Variants in GBP7 observed in about 807,000 individuals in gnomAD.
The protein encoded by GBP7 is guanylate binding protein 7.
Under a neutral mutation model 61.3 loss-of-function variants are expected in GBP7, and 43 were observed. The ratio of observed to expected loss-of-function variants is 0.70; its 90% CI spans 0.55 to 0.91. The LOEUF is 0.91. Ranked by LOEUF, GBP7 falls within the 40% of genes least tolerant of loss-of-function variation. The probability of loss-of-function intolerance (pLI) is 0.00; values close to 1 mark genes in which losing one functional copy is unlikely to be tolerated. For missense variants in GBP7, 717 were observed against 740.5 expected (o/e 0.97, Z 0.37); for synonymous variants, 267 against 271.0 (o/e 0.99, Z 0.14).
intron 8 of GBP7, among the ~76,000 whole-genome samples, chr1:89,143,994 C>A (rs1570345053): frequency 6.6e-6 from 1 of 152,112 alleles, no homozygotes; most frequent in Non-Finnish European, 1.5e-5. Flanking sequence ...GAATGTAGAA[C>A]CCCAAAGGTC....
intron 8 of GBP7, 67 bp from the exon 9 acceptor site, chr1:89,141,715 A>G (rs1681956433): frequency 4.1e-6 from 5 of 1,230,600 alleles, no homozygotes; most frequent in Non-Finnish European, 6.0e-6. Flanking sequence ...TGAGGAAATT[A>G]TTGTTCAACA....
chr1:89,156,741 C>A (rs185994274), intron 3 of GBP7, among the ~76,000 whole-genome samples: 175 of 152,286 alleles, frequency 1.1e-3, no homozygotes, highest in African/African-American at 3.7e-3. Context: ...GACTTAGACT[C>A]CCACACAATA....
Position 89,140,006 on chromosome 1 carries a change from G to A in GBP7, c.1468+1540C>T, listed in dbSNP as rs189268496. Among the ~76,000 whole-genome samples, 1,338 of 152,016 alleles carry A rather than the reference G, an allele frequency of 8.8e-3. 24 individuals carry two copies. Among genetic ancestry groups the A allele is most frequent in the African/African-American group, 0.031 (1,279 of 41,464 alleles). Reference sequence around the variant, plus strand: ...ACACATGGACACATATGTTTATTGCGGCACTATTCACAATAGCAAAGACTT... The same window carrying A: ...ACACATGGACACATATGTTTATTGCAGCACTATTCACAATAGCAAAGACTT... On this transcript the variant is annotated intron_variant, in intron 9 of 10. Transcript: ENST00000294671.
intron 9 of GBP7, among the ~76,000 whole-genome samples, chr1:89,137,603 T>C (rs1681836368): frequency 6.6e-6 from 1 of 151,726 alleles, no homozygotes; most frequent in Admixed American, 6.6e-5. Context: ...AAATTCAATA[T>C]TTCATGTTAA....
Position 89,152,712 on chromosome 1 carries a change from G to A in GBP7, c.384C>T (p.Tyr128=), listed in dbSNP as rs779092711. 1.2e-6 allele frequency: 2 copies of A among 1,611,042 alleles called. No individual in the cohort carries two copies. The highest frequency in any genetic ancestry group is 8.5e-7 in the Non-Finnish European group (1 of 1,179,140). Residue 128 remains tyrosine (Y), a synonymous_variant, in exon 4 of 11, where the codon TAC becomes TAT. Coordinates refer to ENST00000294671, the MANE Select transcript of GBP7 (RefSeq NM_207398.3). ...LAVLLSSSFV[Y]NSMGTINHQA... ...GGTGGTTGATGGTGCCCATGCTGTT[G>A]TAGACAAAGCTGCTGCTTAGAAGCA...
Position 89,164,740 on chromosome 1 carries a change from A to G in GBP7, c.309T>C (p.Asp103=). The change falls in exon 3 of 11, where the codon GAT becomes GAC. Residue 103 remains aspartate, a synonymous_variant. Coordinates refer to ENST00000294671, the MANE Select transcript of GBP7 (RefSeq NM_207398.3). ...LILLDTEGLG[D]MEKSDPKSDS... ...TATGTCTCTTTCTTACCTTTTCCAT[A>G]TCACCCAGGCCCTCCGTGTCCAGAA... is the stretch of plus-strand genomic sequence containing the variant. The G allele has an allele frequency of 6.2e-7, 1 of 1,613,748 alleles. No individual in the cohort carries two copies. Among genetic ancestry groups the G allele is most frequent in the East Asian group, 2.2e-5 (1 of 44,862 alleles).
intron 2 of GBP7, among the ~76,000 whole-genome samples, chr1:89,168,811 C>A (rs565308770): frequency 2.7e-3 from 415 of 151,122 alleles, no homozygotes; most frequent in African/African-American, 3.9e-3. Flanking sequence ...ACAACAACAA[C>A]AAAAAACGGT....
intron 9 of GBP7, among the ~76,000 whole-genome samples, chr1:89,140,192 C>T (rs1473214716): frequency 1.4e-5 from 2 of 146,372 alleles, no homozygotes; most frequent in African/African-American, 5.1e-5. Flanking sequence ...ATCGCAAGGA[C>T]AAAAACCAAA....
chr1:89,155,159 T>C (rs1682286792), intron 3 of GBP7, among the ~76,000 whole-genome samples: 1 of 152,112 alleles, frequency 6.6e-6, no homozygotes, highest in Non-Finnish European at 1.5e-5. Context: ...GAAGGAAAAC[T>C]AACAAACAGA....
At chr1:89,163,396 C>T (rs1327160832) in intron 3 of GBP7, among the ~76,000 whole-genome samples, 34 of 137,188 alleles carry the variant, frequency 2.5e-4, no homozygotes, top group African/African-American at 7.7e-4. Context: ...TGTTTCTGGG[C>T]TTTTTTTTTT....
intron 1 of GBP7, among the ~76,000 whole-genome samples, chr1:89,175,051 TTTAA>T (rs2100665533): frequency 6.6e-6 from 1 of 152,320 alleles, no homozygotes; most frequent in Admixed American, 6.5e-5. Flanking sequence ...GTAGTGATGC[TTTAA>T]TTTTGTGTTT....
rs750899210 is a variant in GBP7, at chr1:89,164,858, C to A, written c.191G>T (p.Gly64Val). Reference protein sequence around the residue: ...LMNKLAGKNKGFPLGCTVKSE... With the variant: ...LMNKLAGKNKVFPLGCTVKSE... ...CTTCACTGTGCAGCCCAGAGGGAAGCCTTCAAGGGAAGAGGAGAAACAACA... is the reference window on the plus strand; with the variant it reads ...CTTCACTGTGCAGCCCAGAGGGAAGACTTCAAGGGAAGAGGAGAAACAACA... The change falls in exon 3 of 11, where the codon GGC (glycine) becomes GTC (valine). Residue 64 changes from glycine to valine, a missense_variant and splice_region_variant. Physicochemically the swap from Gly to Val is moderately radical, Grantham distance 109 (BLOSUM62 -3). Coordinates refer to ENST00000294671, the MANE Select transcript of GBP7 (RefSeq NM_207398.3). 3.1e-6 allele frequency: 5 copies of A among 1,613,512 alleles called. No homozygotes were observed. Among genetic ancestry groups the A allele is most frequent in the Non-Finnish European group, 3.4e-6 (4 of 1,179,672 alleles).
intron 2 of GBP7, among the ~76,000 whole-genome samples, chr1:89,169,951 G>A (rs187625834): frequency 3.2e-4 from 48 of 152,290 alleles, no homozygotes; most frequent in Admixed American, 2.3e-3. Flanking sequence ...GCTTCTGTGC[G>A]TACTTGATGG....
At chr1:89,134,164 C>G (rs1236010253) in intron 9 of GBP7, among the ~76,000 whole-genome samples, 1 of 152,190 alleles carries the variant, frequency 6.6e-6, no homozygotes. Flanking sequence ...TGCTGACATA[C>G]CCTACCTAAC....
chr1:89,133,499 G>T, intron 9 of GBP7, 48 bp from the exon 10 acceptor site: 1 of 1,519,156 alleles, frequency 6.6e-7, no homozygotes, highest in Non-Finnish European at 9.1e-7. Context: ...AGTCAGGTGG[G>T]AGAAGAACCA....
rs150818562 is a variant in GBP7, at chr1:89,170,465, C to T, written c.190+1281G>A. Among the ~76,000 whole-genome samples the T allele has an allele frequency of 9.8e-5, 15 of 152,288 alleles. No individual in the cohort carries two copies. The East Asian group carries it at 2.7e-3, about 27-fold the overall frequency. On this transcript the variant is annotated intron_variant, in intron 2 of 10. Transcript: ENST00000294671. ...AATTAGCCTGAAACCCACTCCTTCC[C>T]AACCTCCTTGTTGCTCAAATGTGGC...
At chr1:89,169,140 T>C (rs1387129799) in intron 2 of GBP7, among the ~76,000 whole-genome samples, 1 of 152,180 alleles carries the variant, frequency 6.6e-6, no homozygotes, top group Non-Finnish European at 1.5e-5. Flanking sequence ...GAAAAATAAG[T>C]TTGGATTTAG....
chr1:89,153,978 G>T (rs1334670467), intron 3 of GBP7, among the ~76,000 whole-genome samples: 1 of 152,190 alleles, frequency 6.6e-6, no homozygotes, highest in African/African-American at 2.4e-5. Flanking sequence ...TGACATTACA[G>T]AGTTATTTAA....
intron 8 of GBP7, among the ~76,000 whole-genome samples, chr1:89,143,550 G>A (rs1009431363): frequency 1.3e-5 from 2 of 151,966 alleles, no homozygotes; most frequent in Non-Finnish European, 2.9e-5. Context: ...TTTTAAGTTC[G>A]GGGTAATTTA....
Sources: allele counts gnomAD v4.1 joint callset (sites outside exome capture counted in the v4.1 genomes callset), GRCh38; gene constraint gnomAD v4.1.1; transcripts MANE v1.5; gene names NCBI Gene and HGNC (gene_info 2026-07-23, HGNC 2026-07-21).